The following UBE2W variants were observed in gnomAD, a reference collection of about 807,000 sequenced individuals.
UBE2W encodes the protein ubiquitin-conjugating enzyme E2 W.
A neutral mutation model predicts 27.2 loss-of-function variants in UBE2W; 18 were observed. The ratio of observed to expected loss-of-function variants is 0.66; its 90% confidence interval spans 0.46 to 0.98. The LOEUF (loss-of-function observed/expected upper bound fraction) is 0.98. Among genes scored for constraint, UBE2W ranks in the 50% least tolerant of loss-of-function variants. UBE2W has a pLI of 0.00. For missense variants in UBE2W, 90 were observed against 180.2 expected (o/e 0.50, Z 2.87); for synonymous variants, 53 against 57.2 (o/e 0.93, Z 0.33).
chr8:73,823,155 T>A (rs1809694436), intron 3 of UBE2W, among the ~76,000 whole-genome samples: 8 of 152,052 alleles, frequency 5.3e-5, no homozygotes, highest in Admixed American at 4.6e-4. Context: ...AGAACCTGGA[T>A]AACACCAATG....
Position 73,788,688 on chromosome 8 carries a change from T to C in UBE2W, c.*5414A>G. The C allele has an allele frequency of 2.0e-6, 2 of 985,458 alleles. No individual in the cohort carries two copies. Among genetic ancestry groups the C allele is most frequent in the Non-Finnish European group, 2.4e-6 (2 of 829,934 alleles). The allele number at this position is 985,458 out of a possible 1,614,324, so 61.0% of individuals were successfully genotyped here. A position where few individuals can be genotyped will look rare whatever the true frequency, so the allele number is the denominator to read the frequency against. On this transcript the variant is annotated 3_prime_UTR_variant, in exon 6 of 6. Transcript: ENST00000602593. ...AGAAAATCTGACAAGTGATGTCATT[T>C]TGAAATCATGCTTTTGCCTTTGAGA...
intron 5 of UBE2W, among the ~76,000 whole-genome samples, chr8:73,794,780 G>A (rs1808341730): frequency 6.7e-6 from 1 of 149,132 alleles, no homozygotes; most frequent in Admixed American, 6.7e-5. Flanking sequence ...GCACACATCG[G>A]TAGTCTCAGC....
chr8:73,870,124 G>A (rs1811941048), intron 1 of UBE2W: 1 of 836,120 alleles, frequency 1.2e-6, no homozygotes, highest in Admixed American at 2.4e-5. Context: ...TACTTTAAAA[G>A]GGTAAGTTTT....
chr8:73,813,509 G>C (rs1439471844), intron 3 of UBE2W, among the ~76,000 whole-genome samples: 1 of 152,154 alleles, frequency 6.6e-6, no homozygotes, highest in Admixed American at 6.5e-5. Context: ...ACTGCATGCA[G>C]GGCAAATGCA....
At chr8:73,833,043 G>A (rs768290741) in intron 1 of UBE2W, among the ~76,000 whole-genome samples, 1 of 152,046 alleles carries the variant, frequency 6.6e-6, no homozygotes, top group South Asian at 2.1e-4. Context: ...AAATTAGCCA[G>A]GCGTGGTGGC....
chr8:73,818,394 T>C (rs941628420), intron 3 of UBE2W, among the ~76,000 whole-genome samples: 1 of 152,210 alleles, frequency 6.6e-6, no homozygotes, highest in Admixed American at 6.5e-5. Context: ...TGCACCTTTA[T>C]GCCCTGAACG....
intron 1 of UBE2W, among the ~76,000 whole-genome samples, chr8:73,864,239 C>G (rs1022951259): frequency 6.6e-6 from 1 of 152,102 alleles, no homozygotes; most frequent in African/African-American, 2.4e-5. Flanking sequence ...ACTAAAAATA[C>G]AAAAATTAGC....
chr8:73,784,214 T>C (rs995735792), downstream of UBE2W, among the ~76,000 whole-genome samples: 1 of 152,202 alleles, frequency 6.6e-6, no homozygotes, highest in African/African-American at 2.4e-5. Flanking sequence ...GAATTCTTTC[T>C]TGGACTCCAT....
At chr8:73,834,756 A>C (rs2130916023) in intron 1 of UBE2W, among the ~76,000 whole-genome samples, 1 of 152,252 alleles carries the variant, frequency 6.6e-6, no homozygotes, top group East Asian at 1.9e-4. Flanking sequence ...TACAAATACA[A>C]AAATTAGCTA....
intron 1 of UBE2W, among the ~76,000 whole-genome samples, chr8:73,837,235 G>A (rs28650992): frequency 0.076 from 11,631 of 152,246 alleles, 528 homozygotes; most frequent in Middle Eastern, 0.14. Flanking sequence ...GAAGTGGGTC[G>A]GGTGCGGTGG....
chr8:73,814,993 G>T (rs1809328920), intron 3 of UBE2W, among the ~76,000 whole-genome samples: 6 of 152,086 alleles, frequency 3.9e-5, no homozygotes, highest in African/African-American at 1.2e-4. Flanking sequence ...CCAATCTCTG[G>T]GTAATTTTTG....
At chr8:73,805,839 G>T in intron 4 of UBE2W, 113 bp from the exon 5 acceptor site, 1 of 533,172 alleles carries the variant, frequency 1.9e-6, no homozygotes, top group Non-Finnish European at 3.3e-6. Context: ...ATATAAACAT[G>T]AATAGTATAT....
At chr8:73,858,213 T>C (rs1037330829) in intron 1 of UBE2W, among the ~76,000 whole-genome samples, 12 of 151,792 alleles carry the variant, frequency 7.9e-5, no homozygotes, top group African/African-American at 2.9e-4. Context: ...ATACAAAAAT[T>C]AGTCGGGTGT....
intron 3 of UBE2W, 99 bp downstream of exon 3, chr8:73,825,048 C>T (rs1404044253): frequency 1.5e-6 from 1 of 675,410 alleles, no homozygotes. Flanking sequence ...AATCCATCTA[C>T]ATACGTATAA....
At position 73,874,370 on chromosome 8, in the gene UBE2W, T is replaced by C. The variant is rs542142192; in HGVS notation, c.15+4438A>G. ...GGCATGAAGCCCGGGGATTGGAGCCTGCAGTGAGCCGAGATCGCACCACTG... is the reference window on the plus strand; with the variant it reads ...GGCATGAAGCCCGGGGATTGGAGCCCGCAGTGAGCCGAGATCGCACCACTG... On this transcript the variant is annotated intron_variant, in intron 1 of 5. Coordinates refer to ENST00000602593, the MANE Select transcript of UBE2W (RefSeq NM_018299.6). 1.1e-4 allele frequency among the ~76,000 whole-genome samples: 17 copies of C among 152,176 alleles called. No homozygotes were observed. The South Asian group carries it at 3.5e-3, about 32-fold the overall frequency.
chr8:73,864,763 C>T (rs148537258), intron 1 of UBE2W, among the ~76,000 whole-genome samples: 2 of 26,320 alleles, frequency 7.6e-5, no homozygotes, highest in African/African-American at 3.1e-4. Flanking sequence ...GGGGGGGGGG[C>T]GGGGGGGGCT....
At chr8:73,875,131 AG>A (rs1359529168) in intron 1 of UBE2W, among the ~76,000 whole-genome samples, 3 of 152,252 alleles carry the variant, frequency 2.0e-5, no homozygotes, top group African/African-American at 7.2e-5. Flanking sequence ...AGGAAGGAAA[AG>A]AAAAAAAGAA....
rs759063478 is a variant in UBE2W at position 73,842,528 on chromosome 8, C to CAAAAAAAAAAAAA, written c.16-12069_16-12057dup. ...TGGGCGACAGAGGGAGACTCCGTCT[C>CAAAAAAAAAAAAA]AAAAAAAAAAAAAAAAAAAAAAAAA... On this transcript the variant is annotated intron_variant, in intron 1 of 5. Coordinates refer to ENST00000602593, the MANE Select transcript of UBE2W (RefSeq NM_018299.6). 5.2e-4 allele frequency among the ~76,000 whole-genome samples: 5 copies of CAAAAAAAAAAAAA among 9,676 alleles called. 1 individual carries two copies. Among genetic ancestry groups the CAAAAAAAAAAAAA allele is most frequent in the African/African-American group, 1.4e-3 (5 of 3,562 alleles). The allele number at this position is 9,676 out of a possible 152,430, so 6.3% of individuals were successfully genotyped here.
intron 1 of UBE2W, 92 bp from the exon 2 acceptor site, chr8:73,830,564 C>A: frequency 1.1e-6 from 1 of 908,092 alleles, no homozygotes; most frequent in Non-Finnish European, 1.8e-6. Flanking sequence ...CAGCTCACCA[C>A]ATCCTCAAAC....
Sources: allele counts gnomAD v4.1 joint callset (sites outside exome capture counted in the v4.1 genomes callset), GRCh38; gene constraint gnomAD v4.1.1; transcripts MANE v1.5; gene names NCBI Gene and HGNC (gene_info 2026-07-23, HGNC 2026-07-21).